Variants in SYT17 observed in about 807,000 individuals in gnomAD.
The protein encoded by SYT17 is synaptotagmin-17.
Under a neutral mutation model 46.7 loss-of-function variants are expected in SYT17, and 22 were observed. The observed-to-expected ratio is 0.47, with a 90% CI of 0.34 to 0.67. The LOEUF (loss-of-function observed/expected upper bound fraction) is 0.67. Ranked by LOEUF, SYT17 falls within the 30% of genes least tolerant of loss-of-function variation. The probability of loss-of-function intolerance (pLI) is 0.01; values close to 1 mark genes in which losing one functional copy is unlikely to be tolerated. For synonymous variants in SYT17, 251 were observed against 248.4 expected, an observed-to-expected ratio of 1.01 and a Z score of -0.10; for missense variants, 519 against 612.8, an observed-to-expected ratio of 0.85 and a Z score of 1.62.
At chr16:19,220,293 T>TTCTG (rs1966260255) in intron 5 of SYT17, among the ~76,000 whole-genome samples, 1 of 77,068 alleles carries the variant, frequency 1.3e-5, no homozygotes, top group Non-Finnish European at 2.6e-5. Flanking sequence ...TGACATTTCT[T>TTCTG]TCTTTCTTTC....
intron 5 of SYT17, among the ~76,000 whole-genome samples, chr16:19,221,202 AAAAAAAG>A (rs1411592179): frequency 8.0e-5 from 12 of 150,746 alleles, no homozygotes; most frequent in African/African-American, 2.2e-4. Flanking sequence ...AAAAAAAAAA[AAAAAAAG>A]AGAGAGAGAG....
chr16:19,213,174 C>A (rs190938937), intron 5 of SYT17, among the ~76,000 whole-genome samples: 215 of 152,310 alleles, frequency 1.4e-3, no homozygotes, highest in African/African-American at 4.9e-3. Flanking sequence ...AAATTTACTT[C>A]TGTAGGAAGG....
chr16:19,246,173 G>A (rs989532743), intron 7 of SYT17, among the ~76,000 whole-genome samples: 1 of 151,856 alleles, frequency 6.6e-6, no homozygotes, highest in African/African-American at 2.4e-5. Flanking sequence ...TGTATTTTTA[G>A]TAGAATCGGG....
intron 5 of SYT17, among the ~76,000 whole-genome samples, chr16:19,201,010 C>T (rs1188639430): frequency 2.0e-5 from 3 of 152,164 alleles, no homozygotes; most frequent in Non-Finnish European, 4.4e-5. Flanking sequence ...GACTCCCCAC[C>T]ACCCAGGGCT....
chr16:19,196,876 A>C (rs1965267512), intron 5 of SYT17, among the ~76,000 whole-genome samples: 2 of 152,076 alleles, frequency 1.3e-5, no homozygotes, highest in African/African-American at 4.8e-5. Flanking sequence ...AAGCCAAAAT[A>C]CTTGATAATT....
In SYT17 at chr16:19,252,388, T is replaced by C. The variant is rs1310879463; in HGVS notation, c.1229-14492T>C. On this transcript the variant is annotated intron_variant, in intron 7 of 7. Coordinates refer to ENST00000355377, the MANE Select transcript of SYT17 (RefSeq NM_016524.4). Reference sequence around the variant, plus strand: ...ATATATACATATATATACATATATATATATACATATATATACATATATATA... The same window carrying C: ...ATATATACATATATATACATATATACATATACATATATATACATATATATA... Among the ~76,000 whole-genome samples, 2 of 18,916 alleles carry C rather than the reference T, an allele frequency of 1.1e-4. 1 individual carries two copies. The highest frequency in any genetic ancestry group is 1.6e-4 in the Non-Finnish European group (2 of 12,752). 12.4% of individuals were successfully genotyped at this position (18,916 alleles called of 152,430 possible).
chr16:19,183,778 C>T lies in SYT17; in HGVS notation c.582C>T (p.Tyr194=), dbSNP rs755183855. 2.0e-5 allele frequency: 32 copies of T among 1,614,052 alleles called. No individual in the cohort carries two copies. The highest frequency in any genetic ancestry group is 5.3e-5 in the African/African-American group (4 of 74,930). The change falls in exon 5 of 8, where the codon TAC becomes TAT. Residue 194 remains tyrosine, a synonymous_variant. Transcript: ENST00000355377. The surrounding 1 kb of genome is among the most constrained non-coding windows in gnomAD (Gnocchi z 5.6). ...QLGMLHFSTQ[Y]DLLHNHLTVR... ...GCATGCTGCACTTCAGCACTCAGTACGACCTGCTGCACAACCACCTCACCG... is the reference window on the plus strand; with the variant it reads ...GCATGCTGCACTTCAGCACTCAGTATGACCTGCTGCACAACCACCTCACCG...
At chr16:19,255,751 C>T (rs1215501920) in intron 7 of SYT17, among the ~76,000 whole-genome samples, 2 of 152,178 alleles carry the variant, frequency 1.3e-5, no homozygotes, top group African/African-American at 4.8e-5. Flanking sequence ...TGCCACGCCA[C>T]TGCACTCCAC....
Position 19,180,443 on chromosome 16 carries a change from GAAGTCCCGC to G in SYT17, c.236_244del (p.Glu79_Leu82delinsVal), listed in dbSNP as rs1173698187. 1 of 1,614,048 alleles carries G rather than the reference GAAGTCCCGC, an allele frequency of 6.2e-7. No individual in the cohort carries two copies. The highest frequency in any genetic ancestry group is 2.2e-5 in the East Asian group (1 of 44,894). On this transcript the variant is annotated inframe_deletion, in exon 4 of 8. Transcript: ENST00000355377. Reference sequence around the variant, plus strand: ...TGGTGACTCTGTCCACACGGCCAGCGAAGTCCCGCTGACCCCACGGACCAATTCCCCGGA... The same window carrying G: ...TGGTGACTCTGTCCACACGGCCAGCGTGACCCCACGGACCAATTCCCCGGA...
intron 7 of SYT17, chr16:19,249,898 C>G: frequency 2.0e-6 from 3 of 1,531,994 alleles, no homozygotes; most frequent in Non-Finnish European, 2.6e-6. Context: ...CTTGCTCACT[C>G]CCTTGTCCCC....
chr16:19,183,998 G>C lies in SYT17; in HGVS notation c.802G>C (p.Glu268Gln), dbSNP rs771384050. Residue 268 changes from glutamate to glutamine, a missense_variant, in exon 5 of 8, where the codon GAG (glutamate) becomes CAG (glutamine). Coordinates refer to ENST00000355377, the MANE Select transcript of SYT17 (RefSeq NM_016524.4). The surrounding 1 kb of genome is among the most constrained non-coding windows in gnomAD (Gnocchi z 5.6). Reference sequence around the variant, plus strand: ...CTACACCTTCGAGATCCCCTTCCTGGAGGCCCAGAGGAGGACCCTGCTCCT... The same window carrying C: ...CTACACCTTCGAGATCCCCTTCCTGCAGGCCCAGAGGAGGACCCTGCTCCT... The part of the protein sequence containing the change: ...ERYTFEIPFL[E>Q]AQRRTLLLTV... 1.7e-5 allele frequency: 28 copies of C among 1,613,974 alleles called. No individual in the cohort carries two copies. The Admixed American group carries it at 4.7e-4, about 27-fold the overall frequency.
At chr16:19,216,710 C>T (rs745350942) in intron 5 of SYT17, among the ~76,000 whole-genome samples, 1 of 152,150 alleles carries the variant, frequency 6.6e-6, no homozygotes, top group Non-Finnish European at 1.5e-5. Context: ...AAGACATGAA[C>T]TCATCCTTTT....
chr16:19,193,782 G>A (rs1273816369), intron 5 of SYT17, among the ~76,000 whole-genome samples: 1 of 152,188 alleles, frequency 6.6e-6, no homozygotes, highest in East Asian at 1.9e-4. Flanking sequence ...CAGGGGTGAG[G>A]GAGCTGGGGT....
At chr16:19,181,700 AG>A (rs1432094493) in intron 4 of SYT17, among the ~76,000 whole-genome samples, 19 of 94,744 alleles carry the variant, frequency 2.0e-4, no homozygotes, top group Non-Finnish European at 3.1e-4. Flanking sequence ...CAGGACAGTG[AG>A]GAAAAAAAAA....
Position 19,168,464 on chromosome 16 carries a change from G to T in SYT17, c.-183G>T. 1.3e-6 allele frequency: 1 copy of T among 782,488 alleles called. No homozygotes were observed. Among genetic ancestry groups the T allele is most frequent in the East Asian group, 3.2e-5 (1 of 31,252 alleles). The allele number at this position is 782,488 out of a possible 1,614,324, so 48.5% of individuals were successfully genotyped here. ...TCCGAGAGCCGGAACGCAGGGAAAG[G>T]CAAGGACGGGGCGGCCGGCGGAGGG... On this transcript the variant is annotated 5_prime_UTR_variant, in exon 1 of 8. Transcript: ENST00000355377. This position sits in a 1 kb window ranked among gnomAD's most constrained non-coding sequence, Gnocchi z 6.9.
chr16:19,260,768 T>A (rs1211629761), intron 7 of SYT17, among the ~76,000 whole-genome samples: 2 of 152,112 alleles, frequency 1.3e-5, no homozygotes, highest in Non-Finnish European at 2.9e-5. Flanking sequence ...CCCATAACCA[T>A]CAGTAGAAAT....
chr16:19,223,273 G>GA, intron 6 of SYT17, 108 bp downstream of exon 6: 3 of 1,354,592 alleles, frequency 2.2e-6, no homozygotes, highest in Non-Finnish European at 3.0e-6. Context: ...ACTCATCTCA[G>GA]GATGAGGCAG....
At chr16:19,246,546 C>G (rs1414565475) in intron 7 of SYT17, among the ~76,000 whole-genome samples, 1 of 152,164 alleles carries the variant, frequency 6.6e-6, no homozygotes, top group Non-Finnish European at 1.5e-5. Flanking sequence ...CCACTTGTAA[C>G]ATCTAGGCTC....
chr16:19,252,448 C>CATATATAT lies in SYT17; in HGVS notation c.1229-14431_1229-14430insTATATATA, dbSNP rs1555463432. On this transcript the variant is annotated intron_variant, in intron 7 of 7. Coordinates refer to ENST00000355377, the MANE Select transcript of SYT17 (RefSeq NM_016524.4). ...ATATACATATATATACATATATATACACATATATACATATATATATACATA... is the reference window on the plus strand; with the variant it reads ...ATATACATATATATACATATATATACATATATATACATATATACATATATATATACATA... 2.3e-4 allele frequency among the ~76,000 whole-genome samples: 4 copies of CATATATAT among 17,766 alleles called. 2 individuals carry two copies. In the Admixed American group the frequency reaches 3.5e-3, roughly 16 times the overall value. 11.7% of individuals were successfully genotyped at this position (17,766 alleles called of 152,430 possible). A position where few individuals can be genotyped will look rare whatever the true frequency, so the allele number is the denominator to read the frequency against.
Sources: gnomAD v4.1 joint callset for allele counts (sites outside exome capture counted in the v4.1 genomes callset) on GRCh38, gnomAD v4.1.1 for gene constraint, Gnocchi (gnomAD v3.1) non-coding constraint, MANE v1.5 for transcripts, NCBI Gene and HGNC (gene_info 2026-07-23, HGNC 2026-07-21) for gene names.